Variants in KLRF1 observed in about 807,000 individuals in gnomAD.
The protein encoded by KLRF1 is killer cell lectin-like receptor subfamily F member 1.
KLRF1 carries 27 observed loss-of-function variants against 30.7 expected under a neutral mutation model. The observed-to-expected ratio is 0.88, with a 90% CI of 0.65 to 1.21. KLRF1 has a LOEUF of 1.21. Among genes scored for constraint, KLRF1 ranks in the 50% most tolerant of loss-of-function variants. KLRF1 has a pLI of 0.00. For synonymous variants in KLRF1, 92 were observed against 89.3 expected (o/e 1.03, Z -0.17); for missense variants, 246 against 259.3 (o/e 0.95, Z 0.35).
the KLRF1 span, among the ~76,000 whole-genome samples, chr12:9,815,130 A>G: frequency 1.3e-5 from 2 of 152,222 alleles, no homozygotes; most frequent in South Asian, 4.1e-4. Context: ...ATGTACCAAT[A>G]AGAATATAAA....
intron 3 of KLRF1, among the ~76,000 whole-genome samples, chr12:9,836,345 C>G (rs1051331379): frequency 6.6e-6 from 1 of 152,008 alleles, no homozygotes. Flanking sequence ...TATAAATGCC[C>G]TACTCTTGTT....
upstream of KLRF1, among the ~76,000 whole-genome samples, chr12:9,825,891 A>G (rs888901434): frequency 1.3e-5 from 2 of 152,096 alleles, no homozygotes; most frequent in Non-Finnish European, 2.9e-5. Flanking sequence ...TGTTTTATTT[A>G]TCAATCTTAA....
In KLRF1 at chr12:9,845,005, A is replaced by G. The variant is rs564557229; in HGVS notation, c.*479A>G. ...ATAAACATCCTGAATGTTTTCTTAA[A>G]TAGTAGCACCTTTATTTCTATGATA... On this transcript the variant is annotated 3_prime_UTR_variant, in exon 6 of 6. Coordinates refer to ENST00000617889, the MANE Select transcript of KLRF1 (RefSeq NM_016523.3). 2 of 152,180 alleles carry G rather than the reference A, an allele frequency of 1.3e-5. No individual in the cohort carries two copies. The highest frequency in any genetic ancestry group is 2.9e-5 in the Non-Finnish European group (2 of 68,046). 9.4% of individuals were successfully genotyped at this position (152,180 alleles called of 1,614,324 possible).
chr12:9,820,374 C>T, the KLRF1 span, among the ~76,000 whole-genome samples: 1 of 152,240 alleles, frequency 6.6e-6, no homozygotes, highest in Non-Finnish European at 1.5e-5. Context: ...TCCCGTATCT[C>T]CTCGCTGGGC....
the KLRF1 span, chr12:9,818,116 T>G: frequency 5.9e-6 from 1 of 168,832 alleles, no homozygotes; most frequent in East Asian, 1.7e-4. Context: ...ATTTAGAATA[T>G]CTTAGCTTTC....
intron 3 of KLRF1, among the ~76,000 whole-genome samples, chr12:9,833,808 T>G (rs959062339): frequency 6.6e-6 from 1 of 152,112 alleles, no homozygotes; most frequent in African/African-American, 2.4e-5. Flanking sequence ...TTTTAAAAAT[T>G]ATTCATTATG....
the KLRF1 span, among the ~76,000 whole-genome samples, chr12:9,806,070 T>A: frequency 1.3e-5 from 2 of 151,966 alleles, no homozygotes; most frequent in African/African-American, 4.8e-5. Flanking sequence ...TGCTTTAGGC[T>A]TATTTCGTTG....
chr12:9,831,426 A>C (rs1044728711), intron 1 of KLRF1, among the ~76,000 whole-genome samples: 1 of 152,144 alleles, frequency 6.6e-6, no homozygotes, highest in African/African-American at 2.4e-5. Flanking sequence ...TCTCAGGTTT[A>C]AAGAGTATTT....
chr12:9,800,312 T>A, the KLRF1 span, among the ~76,000 whole-genome samples: 1 of 152,072 alleles, frequency 6.6e-6, no homozygotes, highest in Admixed American at 6.6e-5. Context: ...TCAAAGAAAA[T>A]TTTAAATTTC....
chr12:9,844,751 T>C lies in KLRF1; in HGVS notation c.*225T>C, dbSNP rs1867776983. 3.5e-6 allele frequency: 1 copy of C among 286,580 alleles called. No individual in the cohort carries two copies. The highest frequency in any genetic ancestry group is 6.6e-6 in the Non-Finnish European group (1 of 152,270). The allele number at this position is 286,580 out of a possible 1,614,324, so 17.8% of individuals were successfully genotyped here. On this transcript the variant is annotated 3_prime_UTR_variant, in exon 6 of 6. Coordinates refer to ENST00000617889, the MANE Select transcript of KLRF1 (RefSeq NM_016523.3). ...ACGTGATAGTATAAACCAATGTGAC[T>C]TCATGTGATCATATCCAGGATTTTT...
chr12:9,835,412 G>T (rs151010126), intron 3 of KLRF1, among the ~76,000 whole-genome samples: 1 of 151,948 alleles, frequency 6.6e-6, no homozygotes, highest in South Asian at 2.1e-4. Flanking sequence ...GGGGAGGTTC[G>T]ATTTTCATGG....
chr12:9,825,976 G>A (rs1347339475), upstream of KLRF1, among the ~76,000 whole-genome samples: 1 of 151,998 alleles, frequency 6.6e-6, no homozygotes, highest in African/African-American at 2.4e-5. Context: ...ACAAAATTTA[G>A]CAAGTAAAAA....
the KLRF1 span, among the ~76,000 whole-genome samples, chr12:9,813,495 A>G: frequency 7.9e-5 from 12 of 151,992 alleles, no homozygotes; most frequent in African/African-American, 2.9e-4. Context: ...AGAATAACAA[A>G]TTTACAAGGT....
intron 1 of KLRF1, among the ~76,000 whole-genome samples, chr12:9,830,392 C>T (rs1214699205): frequency 6.6e-6 from 1 of 151,916 alleles, no homozygotes; most frequent in East Asian, 1.9e-4. Context: ...ATATTTCTAC[C>T]TGTAATTAGA....
the KLRF1 span, among the ~76,000 whole-genome samples, chr12:9,813,595 C>T: frequency 2.0e-5 from 3 of 151,812 alleles, no homozygotes; most frequent in African/African-American, 4.8e-5. Flanking sequence ...TGTCTACAGG[C>T]CCTCAGTACT....
the KLRF1 span, among the ~76,000 whole-genome samples, chr12:9,813,148 T>C: frequency 6.6e-6 from 1 of 151,888 alleles, no homozygotes; most frequent in African/African-American, 2.4e-5. Context: ...TTTTTTTAAT[T>C]AATTAATTTA....
At chr12:9,803,570 C>G in the KLRF1 span, among the ~76,000 whole-genome samples, 2 of 151,916 alleles carry the variant, frequency 1.3e-5, no homozygotes, top group Non-Finnish European at 2.9e-5. Flanking sequence ...TACATTTTTT[C>G]ATAAAATTTA....
chr12:9,829,578 C>T (rs1867364511), intron 1 of KLRF1, among the ~76,000 whole-genome samples: 1 of 149,304 alleles, frequency 6.7e-6, no homozygotes, highest in African/African-American at 2.6e-5. Context: ...CAAATCAAGA[C>T]CCCCATCTCT....
chr12:9,830,746 T>C (rs1867401903), intron 1 of KLRF1, among the ~76,000 whole-genome samples: 1 of 151,970 alleles, frequency 6.6e-6, no homozygotes, highest in African/African-American at 2.4e-5. Context: ...TTATAATATA[T>C]TTTGGTTGCT....
Sources: gnomAD v4.1 joint callset for allele counts (sites outside exome capture counted in the v4.1 genomes callset) on GRCh38, gnomAD v4.1.1 for gene constraint, MANE v1.5 for transcripts, NCBI Gene and HGNC (gene_info 2026-07-23, HGNC 2026-07-21) for gene names.